The following PCDH11X variants were observed in gnomAD, a reference collection of about 807,000 sequenced individuals.
PCDH11X encodes protocadherin-11 X-linked.
Under a neutral mutation model 53.3 loss-of-function variants are expected in PCDH11X, and 18 were observed. That is an observed-to-expected ratio of 0.34 (90% CI 0.23 to 0.50). PCDH11X has a LOEUF of 0.50. PCDH11X is among the 20% of genes least tolerant of loss of function. PCDH11X has a pLI of 0.98. For synonymous variants in PCDH11X, 279 were observed against 393.3 expected (o/e 0.71, Z 3.44); for missense variants, 570 against 1,032.4 (o/e 0.55, Z 6.14).
Position 92,121,819 on chromosome X carries a change from G to A in PCDH11X, c.3034-79556G>A, listed in dbSNP as rs192445127. 4.1e-3 allele frequency among the ~76,000 whole-genome samples: 452 copies of A among 109,388 alleles called. 5 individuals carry two copies. The highest frequency in any genetic ancestry group is 0.015 in the African/African-American group (441 of 30,084). 95.0% of individuals were successfully genotyped at this position (109,388 alleles called of 115,157 possible). On this transcript the variant is annotated intron_variant, in intron 6 of 10. Coordinates refer to ENST00000682573, the MANE Select transcript of PCDH11X (RefSeq NM_032968.5). The stretch of plus-strand genomic sequence containing the variant: ...CGGCTCACTGCAACCTCCACCTTCC[G>A]GGTTCAAGTGATTCTCCTGCCTCGG...
intron 6 of PCDH11X, among the ~76,000 whole-genome samples, chrX:91,969,949 G>A (rs778208762): frequency 1.4e-4 from 16 of 110,911 alleles, no homozygotes; most frequent in Non-Finnish European, 2.3e-4. Flanking sequence ...CTAAGGTTCA[G>A]CTTCCTCATT....
intron 8 of PCDH11X, among the ~76,000 whole-genome samples, chrX:92,383,232 A>G (rs1476278607): frequency 9.1e-6 from 1 of 110,078 alleles, no homozygotes; most frequent in Non-Finnish European, 1.9e-5. Context: ...CATTCTTTAC[A>G]GAAAAAGTTT....
intron 8 of PCDH11X, among the ~76,000 whole-genome samples, chrX:92,361,505 T>C (rs1293023742): frequency 1.8e-5 from 2 of 111,486 alleles, no homozygotes; most frequent in African/African-American, 3.2e-5. Context: ...AGAAAACCAA[T>C]GATGACCAAA....
chrX:92,167,714 C>T (rs1199303505), intron 6 of PCDH11X, among the ~76,000 whole-genome samples: 1 of 111,598 alleles, frequency 9.0e-6, no homozygotes, highest in Non-Finnish European at 1.9e-5. Context: ...AATTGCTGGC[C>T]ATGAATTTTC....
At position 92,164,292 on chromosome X, in the gene PCDH11X, C is replaced by T. The variant is rs2065694499; in HGVS notation, c.3034-37083C>T. Among the ~76,000 whole-genome samples, 3 of 111,855 alleles carry T rather than the reference C, an allele frequency of 2.7e-5. No individual in the cohort carries two copies. In the South Asian group the frequency reaches 1.1e-3, roughly 41 times the overall value. Reference sequence around the variant, plus strand: ...CTTTATTGTTGAGTCAGATGTTGGACAAGTACAGGTTTGCTGATATAAAGA... The same window carrying T: ...CTTTATTGTTGAGTCAGATGTTGGATAAGTACAGGTTTGCTGATATAAAGA... On this transcript the variant is annotated intron_variant, in intron 6 of 10. Transcript: ENST00000682573.
At chrX:92,415,016 C>T (rs2148607444) in intron 9 of PCDH11X, among the ~76,000 whole-genome samples, 1 of 110,908 alleles carries the variant, frequency 9.0e-6, no homozygotes, top group Admixed American at 9.6e-5. Context: ...CATTTCTAAT[C>T]AGTAATGCTA....
chrX:92,606,228 G>T (rs921738221), intron 10 of PCDH11X, among the ~76,000 whole-genome samples: 473 of 18,654 alleles, frequency 0.025, 8 homozygotes, highest in African/African-American at 0.19. Flanking sequence ...GGGAAATTCC[G>T]TCTCAAAAAA....
chrX:92,517,339 C>G (rs1000237961), intron 10 of PCDH11X, among the ~76,000 whole-genome samples: 3 of 111,946 alleles, frequency 2.7e-5, no homozygotes, highest in African/African-American at 9.7e-5. Flanking sequence ...AATTCAGGCT[C>G]TTGAGAAAAT....
chrX:92,177,909 G>A (rs906342967), intron 6 of PCDH11X, among the ~76,000 whole-genome samples: 2 of 110,533 alleles, frequency 1.8e-5, no homozygotes, highest in African/African-American at 3.3e-5. Flanking sequence ...TTTGGAAAAT[G>A]TTCTATATTT....
intron 7 of PCDH11X, among the ~76,000 whole-genome samples, chrX:92,230,429 ATATATAT>A (rs1007474495): frequency 2.1e-5 from 1 of 46,929 alleles, no homozygotes; most frequent in African/African-American, 6.6e-5. Context: ...TAATATATAA[ATATATAT>A]TATATATTTA....
At chrX:92,255,084 G>A (rs2067542864) in intron 7 of PCDH11X, among the ~76,000 whole-genome samples, 1 of 102,866 alleles carries the variant, frequency 9.7e-6, no homozygotes, top group African/African-American at 3.6e-5. Context: ...ACACCAATCA[G>A]ACGTAGATTT....
intron 4 of PCDH11X, among the ~76,000 whole-genome samples, chrX:91,814,605 G>A (rs796451003): frequency 1.2e-4 from 11 of 93,319 alleles, no homozygotes; most frequent in South Asian, 1.2e-3. Context: ...TTTTGACTTC[G>A]CATGTGGAAT....
intron 8 of PCDH11X, among the ~76,000 whole-genome samples, chrX:92,339,482 G>C (rs1293789168): frequency 9.0e-6 from 1 of 111,244 alleles, no homozygotes; most frequent in Non-Finnish European, 1.9e-5. Flanking sequence ...ATTGGCTTAT[G>C]GTTCCTCTGG....
At chrX:92,536,790 T>C (rs1307269753) in intron 10 of PCDH11X, among the ~76,000 whole-genome samples, 1 of 108,291 alleles carries the variant, frequency 9.2e-6, no homozygotes, top group Non-Finnish European at 1.9e-5. Flanking sequence ...CCGCAGTATC[T>C]GGAACTACAG....
At chrX:91,977,659 C>CT (rs1478622187) in intron 6 of PCDH11X, among the ~76,000 whole-genome samples, 4 of 110,810 alleles carry the variant, frequency 3.6e-5, no homozygotes, top group African/African-American at 1.3e-4. Flanking sequence ...TTCATCTTCT[C>CT]TTTTTTCTCA....
chrX:92,568,833 C>T (rs1404881355), intron 10 of PCDH11X, among the ~76,000 whole-genome samples: 2 of 110,712 alleles, frequency 1.8e-5, no homozygotes, highest in Non-Finnish European at 1.9e-5. Flanking sequence ...CTATTTTGTA[C>T]GTCTTTAAAA....
At chrX:92,147,594 G>A (rs1208454050) in intron 6 of PCDH11X, among the ~76,000 whole-genome samples, 1 of 109,677 alleles carries the variant, frequency 9.1e-6, no homozygotes, top group South Asian at 3.9e-4. Flanking sequence ...CAGAGAACTC[G>A]ATTGAAGTTT....
chrX:91,874,435 A>T (rs1358916287), intron 5 of PCDH11X, among the ~76,000 whole-genome samples: 4 of 111,682 alleles, frequency 3.6e-5, no homozygotes, highest in Non-Finnish European at 1.9e-5. Context: ...CTCTGAGTAA[A>T]ATAGGAATAG....
At chrX:92,163,730 G>T (rs1442348046) in intron 6 of PCDH11X, among the ~76,000 whole-genome samples, 1 of 110,710 alleles carries the variant, frequency 9.0e-6, no homozygotes, top group Non-Finnish European at 1.9e-5. Flanking sequence ...TCCTTCAGAG[G>T]GTCTGTGGAT....
Sources: allele counts gnomAD v4.1 joint callset (sites outside exome capture counted in the v4.1 genomes callset), GRCh38; gene constraint gnomAD v4.1.1; transcripts MANE v1.5; gene names NCBI Gene and HGNC (gene_info 2026-07-23, HGNC 2026-07-21).